Variants in CARD10 observed in about 807,000 individuals in gnomAD.
CARD10 encodes the protein caspase recruitment domain-containing protein 10.
Under a neutral mutation model 114.6 loss-of-function variants are expected in CARD10, and 49 were observed. That is an observed-to-expected ratio of 0.43 (90% CI 0.34 to 0.54). The LOEUF is 0.54. CARD10 is among the 20% of genes least tolerant of loss of function. The pLI, the probability that CARD10 is intolerant of heterozygous loss-of-function variation, is 0.03. For missense variants in CARD10, 1,206 were observed against 1,397.2 expected (o/e 0.86, Z 2.18); for synonymous variants, 602 against 593.2 (o/e 1.01, Z -0.21).
chr22:37,491,758 A>G lies in CARD10; in HGVS notation c.2861T>C (p.Val954Ala). Reference sequence around the variant, plus strand: ...CTGCCCCACCCACCCACCTCACCTGACTTCCCGGACATTCTTCTCAGTCAC... The same window carrying G: ...CTGCCCCACCCACCCACCTCACCTGGCTTCCCGGACATTCTTCTCAGTCAC... The part of the protein sequence containing the change: ...VEVTEKNVRE[V>A]RGLLGRPGWR... Residue 954 changes from valine to alanine, a missense_variant, in exon 19 of 20, where the codon GTC (valine) becomes GCC (alanine). By Grantham distance (64) the Val-to-Ala change is moderately conservative. This residue lies in a region of CARD10 where 1,068 missense variants were observed against 1,179.1 expected (regional missense o/e 0.91). Transcript: ENST00000251973. 1.2e-6 allele frequency: 1 copy of G among 832,076 alleles called. No homozygotes were observed. Among genetic ancestry groups the G allele is most frequent in the Non-Finnish European group, 1.9e-6 (1 of 527,662 alleles). 51.5% of individuals were successfully genotyped at this position (832,076 alleles called of 1,614,324 possible).
chr22:37,512,440 A>G (rs1923685000), intron 3 of CARD10, among the ~76,000 whole-genome samples: 1 of 137,538 alleles, frequency 7.3e-6, no homozygotes, highest in African/African-American at 3.0e-5. Flanking sequence ...CCCAGCCTTG[A>G]GAGGTTAGAA....
rs767381001 is a variant in CARD10, at chr22:37,508,534, C to T, written c.1058G>A (p.Arg353His). 8.8e-6 allele frequency: 14 copies of T among 1,592,752 alleles called. No individual in the cohort carries two copies. The highest frequency in any genetic ancestry group is 2.2e-5 in the East Asian group (1 of 44,692). ...QGELQWAEEL[R>H]DQYLQEMEDL... ...GCACGGGCAGGGCCCCACCTGGTCGCGCAGCTCCTCGGCCCACTGCAGCTC... is the reference window on the plus strand; with the variant it reads ...GCACGGGCAGGGCCCCACCTGGTCGTGCAGCTCCTCGGCCCACTGCAGCTC... The change falls in exon 5 of 20, where the codon CGC becomes CAC. Residue 353 changes from arginine (R) to histidine (H), a missense_variant. Coordinates refer to ENST00000251973, the MANE Select transcript of CARD10 (RefSeq NM_014550.4).
chr22:37,492,699 G>T lies in CARD10; in HGVS notation c.2580C>A (p.Ile860=), dbSNP rs771180831. The T allele has an allele frequency of 6.2e-7, 1 of 1,613,124 alleles. No homozygotes were observed. Among genetic ancestry groups the T allele is most frequent in the South Asian group, 1.1e-5 (1 of 91,080 alleles). The change falls in exon 17 of 20, where the codon ATC becomes ATA. Residue 860 remains isoleucine, a synonymous_variant. Transcript: ENST00000251973. The surrounding 1 kb of genome is among the most constrained non-coding windows in gnomAD (Gnocchi z 5.7). ...LLPECLAPRL[I]RNLLDLPSSR... ...AGCTGGGCAGGTCTAGCAGGTTACG[G>T]ATGAGCCGGGGCGCCAGGCACTCAG...
chr22:37,494,525 G>A (rs1049096531), intron 15 of CARD10: 4 of 357,792 alleles, frequency 1.1e-5, no homozygotes, highest in Non-Finnish European at 1.5e-5. Context: ...TCACATACGA[G>A]GCAAACTTTA....
intron 4 of CARD10, 47 bp downstream of exon 4, chr22:37,510,165 C>T: frequency 1.9e-6 from 3 of 1,560,582 alleles, no homozygotes; most frequent in East Asian, 2.2e-5. Context: ...GCTGCAGGCC[C>T]TCCTGACCAC....
Position 37,496,435 on chromosome 22 carries a change from C to T in CARD10, c.2059+14G>A. The T allele has an allele frequency of 6.3e-7, 1 of 1,596,682 alleles. No homozygotes were observed. On this transcript the variant is annotated intron_variant, in intron 13 of 19. Transcript: ENST00000251973. This position sits in a 1 kb window ranked among gnomAD's most constrained non-coding sequence, Gnocchi z 4.1. The stretch of plus-strand genomic sequence containing the variant: ...CTCTGGGGCCAACAGCTCCGACTCC[C>T]AAGCCAGACTTACCCTTCGAGTCCA...
Position 37,494,117 on chromosome 22 carries a change from G to A in CARD10, c.2445C>T (p.Ser815=). 3 of 1,559,374 alleles carry A rather than the reference G, an allele frequency of 1.9e-6. No individual in the cohort carries two copies. The highest frequency in any genetic ancestry group is 2.6e-6 in the Non-Finnish European group (3 of 1,151,914). ...AGGGCTCCAGCAGCAGCTGATCCGG[G>A]GAGTCCCCTGCAGGCGCCCCCACGG... ...PKPVGAPAGD[S]PDQLLLEPCA... is the part of the protein sequence containing the mutation. The change falls in exon 16 of 20, where the codon TCC becomes TCT. Residue 815 remains serine, a synonymous_variant. Coordinates refer to ENST00000251973, the MANE Select transcript of CARD10 (RefSeq NM_014550.4).
At chr22:37,512,482 C>T (rs796691558) in intron 3 of CARD10, among the ~76,000 whole-genome samples, 6,133 of 117,724 alleles carry the variant, frequency 0.052, 315 homozygotes, top group African/African-American at 0.11. Flanking sequence ...CACACACACA[C>T]ACACACACAC....
intron 4 of CARD10, chr22:37,509,008 C>A: frequency 6.5e-7 from 1 of 1,549,998 alleles, no homozygotes; most frequent in Non-Finnish European, 8.7e-7. Context: ...CCTCACCCAC[C>A]ATCCAGGGCA....
intron 5 of CARD10, 81 bp from the exon 6 acceptor site, chr22:37,508,035 G>A: frequency 1.3e-6 from 2 of 1,539,232 alleles, no homozygotes; most frequent in Non-Finnish European, 1.8e-6. Context: ...AGGAGGGCCA[G>A]TGAGAGACGC....
rs924582661 is a variant in CARD10 at position 37,496,099 on chromosome 22, G to A, written c.2060-96C>T. The A allele has an allele frequency of 9.4e-6, 14 of 1,484,308 alleles. No homozygotes were observed. The highest frequency in any genetic ancestry group is 4.2e-5 in the African/African-American group (3 of 72,140). The allele number at this position is 1,484,308 out of a possible 1,614,324, so 91.9% of individuals were successfully genotyped here. The stretch of plus-strand genomic sequence containing the variant: ...GTGGGGCCAAAGACATGGCCCTCTC[G>A]AGGCCTGAGTTCCCAGGACCCGACC... On this transcript the variant is annotated intron_variant, in intron 13 of 19. Coordinates refer to ENST00000251973, the MANE Select transcript of CARD10 (RefSeq NM_014550.4). This position sits in a 1 kb window ranked among gnomAD's most constrained non-coding sequence, Gnocchi z 4.1.
At chr22:37,502,475 T>G (rs866777562) in intron 11 of CARD10, 127 bp downstream of exon 11, 2 of 1,084,384 alleles carry the variant, frequency 1.8e-6, no homozygotes, top group East Asian at 5.3e-5. Context: ...GGGCTGCCAG[T>G]GTCTACAGAT....
At chr22:37,502,808 C>T in intron 10 of CARD10, 83 bp from the exon 11 acceptor site, 2 of 1,496,108 alleles carry the variant, frequency 1.3e-6, no homozygotes, top group Non-Finnish European at 1.8e-6. Context: ...GACCCCCCTC[C>T]AGCCCAGAGA....
In CARD10 at chr22:37,502,622, A is replaced by G. The variant is rs778782030; in HGVS notation, c.1767T>C (p.Cys589=). The G allele has an allele frequency of 1.9e-6, 3 of 1,613,906 alleles. No individual in the cohort carries two copies. The highest frequency in any genetic ancestry group is 2.7e-5 in the African/African-American group (2 of 75,056). The change falls in exon 11 of 20, where the codon TGT becomes TGC. Residue 589 remains cysteine (C), a synonymous_variant. Coordinates refer to ENST00000251973, the MANE Select transcript of CARD10 (RefSeq NM_014550.4). ...GKPEGLLARG[C]GLDFLNRSLA... ...AGTACCTGTTGAGGAAGTCCAGGCC[A>G]CAGCCCCGAGCCAGGAGGCCTTCCG...
chr22:37,509,114 A>G, intron 4 of CARD10: 1 of 1,515,266 alleles, frequency 6.6e-7, no homozygotes, highest in African/African-American at 1.4e-5. Flanking sequence ...CCTGGGCCCA[A>G]GATCTTGCCC....
chr22:37,494,106 A>C lies in CARD10; in HGVS notation c.2456T>G (p.Leu819Arg). 1 of 1,557,572 alleles carries C rather than the reference A, an allele frequency of 6.4e-7. No homozygotes were observed. The highest frequency in any genetic ancestry group is 2.4e-5 in the East Asian group (1 of 41,496). The change falls in exon 16 of 20, where the codon CTG (leucine) becomes CGG (arginine). Residue 819 changes from leucine to arginine, a missense_variant. Around this residue, in one of 2 missense-constraint regions of CARD10, gnomAD observed 1,068 missense variants for 1,179.1 expected, o/e 0.91. Coordinates refer to ENST00000251973, the MANE Select transcript of CARD10 (RefSeq NM_014550.4). ...CTCACCTGCACAGGGCTCCAGCAGC[A>C]GCTGATCCGGGGAGTCCCCTGCAGG... ...GAPAGDSPDQ[L>R]LLEPCAEPER...
At position 37,506,174 on chromosome 22, in the gene CARD10, C is replaced by A. The variant is rs1310479022; in HGVS notation, c.1383+18G>T. 2 of 1,477,024 alleles carry A rather than the reference C, an allele frequency of 1.4e-6. No homozygotes were observed. Among genetic ancestry groups the A allele is most frequent in the African/African-American group, 2.9e-5 (2 of 70,040 alleles). The allele number at this position is 1,477,024 out of a possible 1,614,324, so 91.5% of individuals were successfully genotyped here. On this transcript the variant is annotated intron_variant, in intron 7 of 19. Coordinates refer to ENST00000251973, the MANE Select transcript of CARD10 (RefSeq NM_014550.4). Reference sequence around the variant, plus strand: ...CCCAGCCTTCCTGCCAGGACCTCCACAATCTTGACCCGCTCACCTTGAGGC... The same window carrying A: ...CCCAGCCTTCCTGCCAGGACCTCCAAAATCTTGACCCGCTCACCTTGAGGC...
At chr22:37,491,999 G>C (rs1276595658) in intron 18 of CARD10, 132 bp from the exon 19 acceptor site, 1 of 662,156 alleles carries the variant, frequency 1.5e-6, no homozygotes, top group Non-Finnish European at 2.7e-6. Context: ...GAGGGACCCT[G>C]GCAACGAGGA....
In CARD10 at chr22:37,517,958, C is replaced by T. The variant is rs1348972081; in HGVS notation, c.373+13G>A. 1.2e-6 allele frequency: 2 copies of T among 1,611,632 alleles called. No homozygotes were observed. The highest frequency in any genetic ancestry group is 3.3e-5 in the Admixed American group (2 of 59,960). ...GAGTCCGAGGTGCCAGCATCCACCG[C>T]AGATCCACTCACCGAGGATCATGGA... On this transcript the variant is annotated intron_variant, in intron 2 of 19. Coordinates refer to ENST00000251973, the MANE Select transcript of CARD10 (RefSeq NM_014550.4).
Sources: allele counts gnomAD v4.1 joint callset (sites outside exome capture counted in the v4.1 genomes callset), GRCh38; gene constraint gnomAD v4.1.1; regional missense constraint gnomAD v4.1.1; non-coding constraint Gnocchi (gnomAD v3.1); transcripts MANE v1.5; gene names NCBI Gene and HGNC (gene_info 2026-07-23, HGNC 2026-07-21).